The following NEK7 variants were observed in gnomAD, a reference collection of about 807,000 sequenced individuals.
The protein encoded by NEK7 is serine/threonine-protein kinase Nek7.
A neutral mutation model predicts 44.6 loss-of-function variants in NEK7; 18 were observed. That is an observed-to-expected ratio of 0.40 (90% CI 0.28 to 0.60). The LOEUF (loss-of-function observed/expected upper bound fraction) is 0.60, where lower values mean the gene tolerates loss of function less well. NEK7 is among the 20% of genes least tolerant of loss of function. The probability of loss-of-function intolerance (pLI) is 0.38; values close to 1 mark genes in which losing one functional copy is unlikely to be tolerated. For synonymous variants in NEK7, 130 were observed against 121.1 expected (o/e 1.07, Z -0.48); for missense variants, 256 against 366.5 (o/e 0.70, Z 2.46).
chr1:198,312,866 G>A (rs1169246766), intron 9 of NEK7, among the ~76,000 whole-genome samples: 3 of 152,088 alleles, frequency 2.0e-5, no homozygotes, highest in Admixed American at 6.6e-5. Flanking sequence ...CAAGTATGTG[G>A]TCAATTTTGG....
At chr1:198,209,643 C>A (rs1665706284) in intron 1 of NEK7, among the ~76,000 whole-genome samples, 1 of 151,688 alleles carries the variant, frequency 6.6e-6, no homozygotes, top group South Asian at 2.1e-4. Context: ...TTTAATTTTT[C>A]TTTCTTTTAC....
At chr1:198,189,536 A>T (rs969064572) in intron 1 of NEK7, among the ~76,000 whole-genome samples, 1 of 152,108 alleles carries the variant, frequency 6.6e-6, no homozygotes, top group African/African-American at 2.4e-5. Flanking sequence ...GAAAATTCTA[A>T]GGAACAATTT....
intron 9 of NEK7, among the ~76,000 whole-genome samples, chr1:198,300,973 T>G (rs1654865412): frequency 6.6e-6 from 1 of 152,204 alleles, no homozygotes; most frequent in Non-Finnish European, 1.5e-5. Context: ...AATAGACTGT[T>G]TTCCTTCCAT....
intron 1 of NEK7, among the ~76,000 whole-genome samples, chr1:198,212,988 C>T (rs1665819169): frequency 6.6e-6 from 1 of 152,196 alleles, no homozygotes; most frequent in Non-Finnish European, 1.5e-5. Context: ...ACAAAGCCAA[C>T]ACACTAAGGC....
At chr1:198,319,284 C>G in intron 9 of NEK7, 128 bp from the exon 10 acceptor site, 3 of 598,878 alleles carry the variant, frequency 5.0e-6, no homozygotes, top group Non-Finnish European at 8.8e-6. Flanking sequence ...ATTTCTAGTA[C>G]AGTGAATGTT....
chr1:198,240,989 G>A (rs573631199), intron 2 of NEK7, among the ~76,000 whole-genome samples: 28 of 152,224 alleles, frequency 1.8e-4, no homozygotes, highest in African/African-American at 5.8e-4. Context: ...CACCACTCCC[G>A]GCCAAGACCA....
At chr1:198,183,596 T>C (rs909775482) in intron 1 of NEK7, among the ~76,000 whole-genome samples, 7 of 152,190 alleles carry the variant, frequency 4.6e-5, no homozygotes, top group Non-Finnish European at 1.0e-4. Context: ...GTCCTAAACA[T>C]GTGTGTTAGT....
intron 3 of NEK7, among the ~76,000 whole-genome samples, chr1:198,261,946 T>C (rs1000325738): frequency 6.6e-6 from 1 of 151,936 alleles, no homozygotes; most frequent in East Asian, 1.9e-4. Flanking sequence ...ATCTATACTT[T>C]ATACTTAATA....
At chr1:198,314,670 A>G (rs944184807) in intron 9 of NEK7, among the ~76,000 whole-genome samples, 1 of 152,012 alleles carries the variant, frequency 6.6e-6, no homozygotes, top group Non-Finnish European at 1.5e-5. Flanking sequence ...CCTCAGCTGC[A>G]AGTCTGTTTG....
chr1:198,287,082 C>T (rs571183484), intron 7 of NEK7, among the ~76,000 whole-genome samples: 6 of 152,266 alleles, frequency 3.9e-5, no homozygotes, highest in East Asian at 1.9e-4. Flanking sequence ...CTGCCTGTAA[C>T]GCCATTTTAA....
At chr1:198,221,732 T>TTAGC (rs1311545741) in intron 1 of NEK7, among the ~76,000 whole-genome samples, 1 of 151,948 alleles carries the variant, frequency 6.6e-6, no homozygotes, top group African/African-American at 2.4e-5. Flanking sequence ...GGTAAATATG[T>TTAGC]TAGCTGTAGT....
At chr1:198,303,955 C>T (rs973993076) in intron 9 of NEK7, among the ~76,000 whole-genome samples, 6 of 152,028 alleles carry the variant, frequency 3.9e-5, no homozygotes, top group African/African-American at 1.4e-4. Context: ...GATTTTCTTT[C>T]CTATAAATTG....
At chr1:198,268,486 CT>C (rs1653727496) in intron 5 of NEK7, among the ~76,000 whole-genome samples, 1 of 152,060 alleles carries the variant, frequency 6.6e-6, no homozygotes, top group South Asian at 2.1e-4. Context: ...ACCCAGCTCC[CT>C]TTCCATTTCT....
chr1:198,263,765 T>C (rs1653556524), intron 4 of NEK7, among the ~76,000 whole-genome samples: 1 of 151,930 alleles, frequency 6.6e-6, no homozygotes, highest in Non-Finnish European at 1.5e-5. Context: ...CATTGAGTGT[T>C]CCTAAATGAA....
chr1:198,229,206 G>GC (rs1470324002), intron 1 of NEK7, among the ~76,000 whole-genome samples: 2 of 152,146 alleles, frequency 1.3e-5, no homozygotes, highest in African/African-American at 4.8e-5. Context: ...GGCCCAAGTG[G>GC]CCAGGTTCAG....
chr1:198,220,589 C>T (rs1309242965), intron 1 of NEK7, among the ~76,000 whole-genome samples: 1 of 152,044 alleles, frequency 6.6e-6, no homozygotes, highest in Non-Finnish European at 1.5e-5. Context: ...CTGATATCGA[C>T]ATGTCACTTG....
At chr1:198,271,509 C>T (rs1653842631) in intron 5 of NEK7, among the ~76,000 whole-genome samples, 2 of 152,028 alleles carry the variant, frequency 1.3e-5, no homozygotes, top group African/African-American at 4.8e-5. Flanking sequence ...TTTGCAGACA[C>T]ATCTTTATTT....
chr1:198,318,060 G>C (rs1453529223), intron 9 of NEK7, among the ~76,000 whole-genome samples: 1 of 151,822 alleles, frequency 6.6e-6, no homozygotes, highest in Non-Finnish European at 1.5e-5. Flanking sequence ...CTCCCAGTGG[G>C]TGTAACATTA....
chr1:198,306,520 G>A (rs1301203906), intron 9 of NEK7, among the ~76,000 whole-genome samples: 1 of 151,944 alleles, frequency 6.6e-6, no homozygotes, highest in Admixed American at 6.6e-5. Flanking sequence ...ACAATTCCTG[G>A]TTTATAATAC....
Sources: gnomAD v4.1 joint callset for allele counts (sites outside exome capture counted in the v4.1 genomes callset) on GRCh38, gnomAD v4.1.1 for gene constraint, MANE v1.5 for transcripts, NCBI Gene and HGNC (gene_info 2026-07-23, HGNC 2026-07-21) for gene names.